MELK: variants seen among roughly 807,000 people sequenced by gnomAD.
MELK encodes maternal embryonic leucine zipper kinase.
Under a neutral mutation model 85.0 loss-of-function variants are expected in MELK, and 81 were observed. That is an observed-to-expected ratio of 0.95 (90% CI 0.80 to 1.15). The LOEUF (loss-of-function observed/expected upper bound fraction) is 1.15. Among genes scored for constraint, MELK ranks in the 50% most tolerant of loss-of-function variants. The pLI, the probability that MELK is intolerant of heterozygous loss-of-function variation, is 0.00. For missense variants in MELK, 754 were observed against 777.5 expected (o/e 0.97, Z 0.36); for synonymous variants, 252 against 265.0 (o/e 0.95, Z 0.48).
chr9:36,647,494 C>CT (rs112975528), intron 11 of MELK, among the ~76,000 whole-genome samples: 4,011 of 143,602 alleles, frequency 0.028, 143 homozygotes, highest in African/African-American at 0.077. Flanking sequence ...TTCTTTCTTT[C>CT]TTTTTTTTTT....
chr9:36,612,129 T>C (rs997557215), intron 8 of MELK, among the ~76,000 whole-genome samples: 12 of 152,102 alleles, frequency 7.9e-5, no homozygotes, highest in Non-Finnish European at 2.9e-5. Flanking sequence ...AGAGTCTCGC[T>C]CTGTCACCCA....
At chr9:36,584,285 G>T (rs1453118436) in intron 3 of MELK, among the ~76,000 whole-genome samples, 2 of 146,284 alleles carry the variant, frequency 1.4e-5, no homozygotes, top group Middle Eastern at 3.4e-3. Flanking sequence ...GATTACAGTC[G>T]TGAGCCACCG....
rs547066561 is a variant in MELK at position 36,670,987 on chromosome 9, T to C, written c.1506-11T>C. On this transcript the variant is annotated splice_polypyrimidine_tract_variant and intron_variant, in intron 15 of 17. Transcript: ENST00000298048. The stretch of plus-strand genomic sequence containing the variant: ...AGCTCTACTTGTGCCTTGTTTTATG[T>C]TTTGTTTCAGGTGCCGCTCAGTGGA... 4.7e-5 allele frequency: 75 copies of C among 1,597,236 alleles called. No homozygotes were observed. The South Asian group carries it at 7.9e-4, about 17-fold the overall frequency.
intron 1 of MELK, among the ~76,000 whole-genome samples, chr9:36,574,597 T>C (rs1159994942): frequency 6.6e-6 from 1 of 151,810 alleles, no homozygotes; most frequent in Non-Finnish European, 1.5e-5. Context: ...AACGAGACCC[T>C]GTCTCAAGCA....
At chr9:36,602,384 G>A (rs994450180) in intron 7 of MELK, among the ~76,000 whole-genome samples, 2 of 150,884 alleles carry the variant, frequency 1.3e-5, no homozygotes, top group South Asian at 2.1e-4. Context: ...CCAGCTACTT[G>A]GGGGTTGAGG....
In MELK at chr9:36,669,325, T is replaced by C. The variant is rs749628951; in HGVS notation, c.1424T>C (p.Leu475Pro). 6.8e-6 allele frequency: 11 copies of C among 1,608,778 alleles called. 1 individual carries two copies. The South Asian group carries it at 1.1e-4, about 16-fold the overall frequency. The stretch of plus-strand genomic sequence containing the variant: ...TTTCTAATAGCTAGAAACCAGTGCC[T>C]GAAAGAAACTCCAATTAAAATACCA... ...TTPSKARNQC[L>P]KETPIKIPVN... is the part of the protein sequence containing the mutation. Residue 475 changes from leucine to proline, a missense_variant, in exon 15 of 18, where the codon CTG becomes CCG. Physicochemically the swap from Leu to Pro is moderately conservative, Grantham distance 98. Coordinates refer to ENST00000298048, the MANE Select transcript of MELK (RefSeq NM_014791.4).
chr9:36,591,207 C>A (rs1823517424), intron 4 of MELK, among the ~76,000 whole-genome samples: 1 of 152,098 alleles, frequency 6.6e-6, no homozygotes, highest in Non-Finnish European at 1.5e-5. Context: ...CATTTTAAAA[C>A]CTCTTTGATT....
chr9:36,661,419 A>T (rs1393920694), intron 13 of MELK, among the ~76,000 whole-genome samples: 1 of 152,200 alleles, frequency 6.6e-6, no homozygotes, highest in African/African-American at 2.4e-5. Flanking sequence ...TTTTCAGTGG[A>T]TGTAAAATAA....
At chr9:36,659,356 T>G (rs1831572681) in intron 13 of MELK, among the ~76,000 whole-genome samples, 1 of 152,218 alleles carries the variant, frequency 6.6e-6, no homozygotes. Flanking sequence ...CTTGTAATTG[T>G]TGAAAACTAG....
chr9:36,675,894 T>G (rs1280318071), intron 17 of MELK, among the ~76,000 whole-genome samples: 1 of 152,226 alleles, frequency 6.6e-6, no homozygotes, highest in Non-Finnish European at 1.5e-5. Context: ...AGAAACAATC[T>G]TGTGCAGATA....
chr9:36,615,494 A>AC lies in MELK; in HGVS notation c.666+7830dup, dbSNP rs1267413665. Among the ~76,000 whole-genome samples the AC allele has an allele frequency of 3.8e-3, 311 of 82,870 alleles. 2 individuals are homozygous for AC. The highest frequency in any genetic ancestry group is 0.011 in the Middle Eastern group (1 of 90). 54.4% of individuals were successfully genotyped at this position (82,870 alleles called of 152,430 possible). ...GGGGCGGCTGGCCTGGCGGGGGCTG[A>AC]CCCCCCCCCACCTCCCTCCCGGACG... On this transcript the variant is annotated intron_variant, in intron 8 of 17. Transcript: ENST00000298048.
intron 10 of MELK, among the ~76,000 whole-genome samples, chr9:36,639,168 C>T (rs1829505941): frequency 6.6e-6 from 1 of 152,154 alleles, no homozygotes; most frequent in South Asian, 2.1e-4. Context: ...TATGGGTATT[C>T]TAATGTCAAT....
intron 2 of MELK, among the ~76,000 whole-genome samples, chr9:36,582,160 G>A (rs1822316267): frequency 6.6e-6 from 1 of 152,020 alleles, no homozygotes; most frequent in Admixed American, 6.6e-5. Flanking sequence ...AGTAGAGACG[G>A]GGTTTCACCG....
intron 12 of MELK, among the ~76,000 whole-genome samples, chr9:36,652,341 C>G (rs1346004367): frequency 6.6e-6 from 1 of 151,606 alleles, no homozygotes; most frequent in African/African-American, 2.4e-5. Flanking sequence ...GCCACCGTGC[C>G]CGGCCTCTAA....
intron 8 of MELK, among the ~76,000 whole-genome samples, chr9:36,616,070 G>C (rs982286692): frequency 1.3e-5 from 2 of 152,154 alleles, no homozygotes; most frequent in African/African-American, 2.4e-5. Flanking sequence ...CCCGGGCGGC[G>C]CTCGCCGGCG....
intron 11 of MELK, among the ~76,000 whole-genome samples, chr9:36,645,540 G>T (rs1403318739): frequency 6.6e-6 from 1 of 152,052 alleles, no homozygotes; most frequent in East Asian, 1.9e-4. Context: ...TTCTTCCTTT[G>T]TACTCTTTTC....
intron 4 of MELK, among the ~76,000 whole-genome samples, chr9:36,590,793 A>AT (rs930865411): frequency 1.3e-5 from 2 of 152,146 alleles, no homozygotes; most frequent in African/African-American, 4.8e-5. Flanking sequence ...AAAAATCATA[A>AT]TTTTGGCCGG....
At chr9:36,584,870 A>T (rs1019296488) in intron 3 of MELK, among the ~76,000 whole-genome samples, 1 of 151,750 alleles carries the variant, frequency 6.6e-6, no homozygotes, top group Non-Finnish European at 1.5e-5. Flanking sequence ...GGCACATGCC[A>T]CTATGCTTGC....
Position 36,677,139 on chromosome 9 carries a change from TTCTTA to T in MELK, c.1779-16_1779-12del, listed in dbSNP as rs1564241976. On this transcript the variant is annotated splice_polypyrimidine_tract_variant and intron_variant, in intron 17 of 17. Transcript: ENST00000298048. The stretch of plus-strand genomic sequence containing the variant: ...GAATATGGTTCTCCTACTAACTAGC[TTCTTA>T]TCTTGTTTTTCACAGTTATACACTG... 6.2e-7 allele frequency: 1 copy of T among 1,605,004 alleles called. No homozygotes were observed. The highest frequency in any genetic ancestry group is 2.2e-5 in the East Asian group (1 of 44,732).
Sources: gnomAD v4.1 joint callset for allele counts (sites outside exome capture counted in the v4.1 genomes callset) on GRCh38, gnomAD v4.1.1 for gene constraint, MANE v1.5 for transcripts, NCBI Gene and HGNC (gene_info 2026-07-23, HGNC 2026-07-21) for gene names.